The following CDH13 variants were observed in gnomAD, a reference collection of about 807,000 sequenced individuals.
The protein encoded by CDH13 is cadherin-13.
CDH13 carries 24 observed loss-of-function variants against 63.8 expected under a neutral mutation model. That is an observed-to-expected ratio of 0.38 (90% confidence interval 0.27 to 0.53). The LOEUF (loss-of-function observed/expected upper bound fraction) is 0.53. CDH13 is among the 20% of genes least tolerant of loss of function. CDH13 has a pLI of 0.85. For synonymous variants in CDH13, 503 were observed against 355.3 expected, an observed-to-expected ratio of 1.42 and a Z score of -4.67; for missense variants, 1,049 against 903.1, an observed-to-expected ratio of 1.16 and a Z score of -2.07.
chr16:82,808,525 C>G (rs1379275789), intron 1 of CDH13, among the ~76,000 whole-genome samples: 1 of 152,106 alleles, frequency 6.6e-6, no homozygotes, highest in East Asian at 1.9e-4. Context: ...CTCGTGAACA[C>G]ACATGAAAAG....
At chr16:83,254,678 A>C (rs1353223012) in intron 5 of CDH13, among the ~76,000 whole-genome samples, 1 of 152,148 alleles carries the variant, frequency 6.6e-6, no homozygotes, top group Non-Finnish European at 1.5e-5. Context: ...TGTGGGGTAT[A>C]AATAAATTTT....
At chr16:82,961,673 A>C (rs1332585051) in intron 2 of CDH13, among the ~76,000 whole-genome samples, 1 of 152,030 alleles carries the variant, frequency 6.6e-6, no homozygotes, top group Non-Finnish European at 1.5e-5. Flanking sequence ...GTATTTTTCA[A>C]AGTTACCCAT....
intron 2 of CDH13, among the ~76,000 whole-genome samples, chr16:82,863,544 C>T (rs994100569): frequency 6.6e-6 from 1 of 152,196 alleles, no homozygotes; most frequent in African/African-American, 2.4e-5. Context: ...TTTGAATTAT[C>T]TCATCTCCAA....
At chr16:83,244,936 T>C (rs1904839065) in intron 5 of CDH13, among the ~76,000 whole-genome samples, 1 of 152,104 alleles carries the variant, frequency 6.6e-6, no homozygotes, top group Non-Finnish European at 1.5e-5. Flanking sequence ...AAAAACGGTG[T>C]TCAGCATAAG....
chr16:82,789,256 C>T (rs182221575), intron 1 of CDH13, among the ~76,000 whole-genome samples: 1 of 152,136 alleles, frequency 6.6e-6, no homozygotes, highest in South Asian at 2.1e-4. Context: ...AGTAGGTGTT[C>T]CTCAGGTTAA....
At chr16:82,753,510 A>G (rs766618348) in intron 1 of CDH13, among the ~76,000 whole-genome samples, 42 of 152,164 alleles carry the variant, frequency 2.8e-4, no homozygotes, top group Non-Finnish European at 5.4e-4. Flanking sequence ...GTATTTACGT[A>G]CTTCCTAGAT....
chr16:83,776,988 T>C (rs936982420), intron 11 of CDH13, among the ~76,000 whole-genome samples: 12 of 151,922 alleles, frequency 7.9e-5, no homozygotes, highest in African/African-American at 1.2e-4. Flanking sequence ...CAAGGGGTCG[T>C]TAGCACAATC....
At chr16:82,929,919 A>T (rs1296809468) in intron 2 of CDH13, among the ~76,000 whole-genome samples, 1 of 151,918 alleles carries the variant, frequency 6.6e-6, no homozygotes, top group Non-Finnish European at 1.5e-5. Context: ...AAACACATAC[A>T]CATAACAACA....
rs185089513 is a variant in CDH13 at position 82,968,495 on chromosome 16, G to A, written c.158-63515G>A. On this transcript the variant is annotated intron_variant, in intron 2 of 13. Transcript: ENST00000567109. Reference sequence around the variant, plus strand: ...AAGCATACTCATGGCCCTGCCAGCGGCTTGGAGACATAAGGGAGGTAAACT... The same window carrying A: ...AAGCATACTCATGGCCCTGCCAGCGACTTGGAGACATAAGGGAGGTAAACT... Among the ~76,000 whole-genome samples, 32 of 152,304 alleles carry A rather than the reference G, an allele frequency of 2.1e-4. 1 individual carries two copies. Among genetic ancestry groups the A allele is most frequent in the Middle Eastern group, 6.8e-3 (2 of 294 alleles).
chr16:82,722,322 A>T (rs537579919), intron 1 of CDH13, among the ~76,000 whole-genome samples: 1 of 152,118 alleles, frequency 6.6e-6, no homozygotes, highest in Admixed American at 6.5e-5. Flanking sequence ...ACTTTTTTCT[A>T]TGGTGACTTC....
intron 1 of CDH13, among the ~76,000 whole-genome samples, chr16:82,732,248 T>A (rs189708252): frequency 6.6e-6 from 1 of 152,318 alleles, no homozygotes; most frequent in East Asian, 1.9e-4. Flanking sequence ...ATATTATGTT[T>A]GTAGCTGAAC....
At chr16:82,893,951 G>A (rs1329119133) in intron 2 of CDH13, among the ~76,000 whole-genome samples, 3 of 152,014 alleles carry the variant, frequency 2.0e-5, no homozygotes, top group African/African-American at 7.3e-5. Context: ...ATGTTTTCCT[G>A]CTCTACTTTA....
intron 1 of CDH13, among the ~76,000 whole-genome samples, chr16:82,763,323 CA>C: frequency 6.6e-6 from 1 of 152,294 alleles, no homozygotes; most frequent in Admixed American, 6.5e-5. Context: ...TATTTCCTGA[CA>C]CAGTAAATCA....
At chr16:82,941,445 G>A (rs761571071) in intron 2 of CDH13, among the ~76,000 whole-genome samples, 1 of 152,200 alleles carries the variant, frequency 6.6e-6, no homozygotes, top group Admixed American at 6.5e-5. Context: ...TCTAAGATCA[G>A]CTTCTGCTTA....
At chr16:82,716,882 C>T (rs1032016568) in intron 1 of CDH13, among the ~76,000 whole-genome samples, 6 of 151,882 alleles carry the variant, frequency 4.0e-5, no homozygotes, top group Admixed American at 2.0e-4. Flanking sequence ...ACGGGTCCGT[C>T]GTAAGATGCA....
chr16:83,209,764 C>A (rs1415258305), intron 4 of CDH13, among the ~76,000 whole-genome samples: 2 of 152,052 alleles, frequency 1.3e-5, no homozygotes, highest in African/African-American at 4.8e-5. Flanking sequence ...ACAGACCTTG[C>A]AGGCGAGGAG....
intron 8 of CDH13, among the ~76,000 whole-genome samples, chr16:83,659,881 G>A (rs570658931): frequency 1.8e-4 from 27 of 151,388 alleles, no homozygotes; most frequent in African/African-American, 6.1e-4. Flanking sequence ...CCACCTCCCG[G>A]GTTCAAGCAA....
chr16:82,848,992 C>T (rs1240924280), intron 1 of CDH13, among the ~76,000 whole-genome samples: 3 of 152,180 alleles, frequency 2.0e-5, no homozygotes, highest in South Asian at 2.1e-4. Flanking sequence ...GAAAGTAAGA[C>T]AGCCTTATTG....
At chr16:83,234,493 G>T (rs982757792) in intron 5 of CDH13, among the ~76,000 whole-genome samples, 1 of 152,152 alleles carries the variant, frequency 6.6e-6, no homozygotes, top group African/African-American at 2.4e-5. Context: ...ACCCCTTGAG[G>T]TTGGACCTAG....
Sources: allele counts gnomAD v4.1 joint callset (sites outside exome capture counted in the v4.1 genomes callset), GRCh38; gene constraint gnomAD v4.1.1; transcripts MANE v1.5; gene names NCBI Gene and HGNC (gene_info 2026-07-23, HGNC 2026-07-21).